The following SUGCT variants were observed in gnomAD, a reference collection of about 807,000 sequenced individuals.
The protein encoded by SUGCT is succinyl-CoA:glutarate CoA-transferase.
In SUGCT, 41 loss-of-function variants were observed where a neutral mutation model predicts 55.0. That is an observed-to-expected ratio of 0.74 (90% CI 0.58 to 0.97). The LOEUF (loss-of-function observed/expected upper bound fraction) is 0.97, where lower values mean the gene tolerates loss of function less well. Ranked by LOEUF, SUGCT falls within the 50% of genes least tolerant of loss-of-function variation. SUGCT has a pLI of 0.00. For synonymous variants in SUGCT, 187 were observed against 200.4 expected (o/e 0.93, Z 0.56); for missense variants, 568 against 547.8 (o/e 1.04, Z -0.37).
At chr7:40,882,802 T>C in the SUGCT span, among the ~76,000 whole-genome samples, 2 of 152,246 alleles carry the variant, frequency 1.3e-5, no homozygotes, top group African/African-American at 4.8e-5. Context: ...TCAGAATTGG[T>C]GTTTTATCAG....
chr7:40,283,227 C>G (rs1250331229), intron 8 of SUGCT, among the ~76,000 whole-genome samples: 3 of 151,314 alleles, frequency 2.0e-5, no homozygotes, highest in Non-Finnish European at 2.9e-5. Flanking sequence ...ACATTTCTTT[C>G]TTTTTCTTTT....
At chr7:40,961,843 C>T in the SUGCT span, among the ~76,000 whole-genome samples, 1 of 152,146 alleles carries the variant, frequency 6.6e-6, no homozygotes, top group African/African-American at 2.4e-5. Context: ...TTTGTTCCTC[C>T]CGGTGGGTTC....
intron 12 of SUGCT, among the ~76,000 whole-genome samples, chr7:40,532,331 C>A (rs1794143294): frequency 6.6e-6 from 1 of 152,148 alleles, no homozygotes; most frequent in African/African-American, 2.4e-5. Context: ...AGAAAATAGT[C>A]ATTCTTTTAA....
chr7:40,329,427 T>C (rs1238547901), intron 9 of SUGCT, among the ~76,000 whole-genome samples: 1 of 152,170 alleles, frequency 6.6e-6, no homozygotes, highest in African/African-American at 2.4e-5. Flanking sequence ...CAGGAAATGG[T>C]ACGTGTGCAT....
chr7:40,914,448 G>A, the SUGCT span, among the ~76,000 whole-genome samples: 1 of 151,910 alleles, frequency 6.6e-6, no homozygotes, highest in Non-Finnish European at 1.5e-5. Context: ...TACAAAGCCA[G>A]GTCTTCTCCT....
At chr7:40,318,805 A>C (rs755506109) in intron 9 of SUGCT, among the ~76,000 whole-genome samples, 3 of 152,232 alleles carry the variant, frequency 2.0e-5, no homozygotes, top group Non-Finnish European at 4.4e-5. Context: ...TGTAATTCCA[A>C]ATCCCATCAC....
At chr7:40,975,308 T>C in the SUGCT span, among the ~76,000 whole-genome samples, 2 of 152,176 alleles carry the variant, frequency 1.3e-5, no homozygotes, top group Non-Finnish European at 2.9e-5. Context: ...AGAGTGTTCC[T>C]TCAGATCTCT....
At chr7:40,602,200 AAACC>A (rs948378798) in intron 12 of SUGCT, among the ~76,000 whole-genome samples, 5 of 152,206 alleles carry the variant, frequency 3.3e-5, no homozygotes, top group African/African-American at 1.2e-4. Context: ...GCCATGGGAA[AAACC>A]AACCAACCAA....
chr7:40,903,731 A>T, the SUGCT span, among the ~76,000 whole-genome samples: 1 of 152,198 alleles, frequency 6.6e-6, no homozygotes, highest in South Asian at 2.1e-4. Context: ...ACCTGTTTGC[A>T]GCAGGAAACT....
At chr7:40,755,469 G>T (rs1314544439) in intron 13 of SUGCT, among the ~76,000 whole-genome samples, 1 of 152,230 alleles carries the variant, frequency 6.6e-6, no homozygotes, top group South Asian at 2.1e-4. Context: ...TGTGACTTTA[G>T]TGGGAAGATC....
chr7:40,392,249 GT>G (rs758924208), intron 9 of SUGCT, among the ~76,000 whole-genome samples: 31 of 152,066 alleles, frequency 2.0e-4, no homozygotes, highest in Non-Finnish European at 4.1e-4. Flanking sequence ...AAACCTGCAC[GT>G]TGTGCACACG....
chr7:40,337,426 G>T (rs1032489006), intron 9 of SUGCT, among the ~76,000 whole-genome samples: 1 of 152,228 alleles, frequency 6.6e-6, no homozygotes, highest in African/African-American at 2.4e-5. Flanking sequence ...ATGAATCTGG[G>T]TTCTCCTGTA....
At chr7:40,156,478 T>A (rs1783904062) in intron 1 of SUGCT, among the ~76,000 whole-genome samples, 1 of 151,704 alleles carries the variant, frequency 6.6e-6, no homozygotes. Context: ...AATAGAAGAT[T>A]TTTAGTGCCT....
the SUGCT span, among the ~76,000 whole-genome samples, chr7:40,894,718 A>G: frequency 2.0e-5 from 3 of 152,228 alleles, no homozygotes; most frequent in Non-Finnish European, 4.4e-5. Flanking sequence ...AATACTCAGC[A>G]TCACTATTCA....
chr7:40,731,809 A>C (rs930045645), intron 12 of SUGCT, among the ~76,000 whole-genome samples: 1 of 152,226 alleles, frequency 6.6e-6, no homozygotes, highest in African/African-American at 2.4e-5. Context: ...AAATAGCTGC[A>C]ATAGAATACC....
At chr7:41,008,300 C>A in the SUGCT span, among the ~76,000 whole-genome samples, 4,025 of 152,276 alleles carry the variant, frequency 0.026, 183 homozygotes, top group South Asian at 0.19. Flanking sequence ...CGCTCCTGAA[C>A]GCAGCCTTGT....
At chr7:40,832,770 G>A (rs557125974) in intron 13 of SUGCT, among the ~76,000 whole-genome samples, 1 of 151,482 alleles carries the variant, frequency 6.6e-6, no homozygotes, top group South Asian at 2.1e-4. Flanking sequence ...CGCCTCCCAG[G>A]TTCACGCCAT....
the SUGCT span, among the ~76,000 whole-genome samples, chr7:40,968,444 T>C: frequency 5.9e-5 from 9 of 152,272 alleles, no homozygotes; most frequent in African/African-American, 2.2e-4. Context: ...CCATGACCAG[T>C]TGAGGATGCT....
At chr7:40,294,869 G>A (rs1794019798) in intron 8 of SUGCT, among the ~76,000 whole-genome samples, 1 of 152,008 alleles carries the variant, frequency 6.6e-6, no homozygotes, top group Non-Finnish European at 1.5e-5. Context: ...TATTAATCTC[G>A]GCACTTTGAA....
Sources: allele counts gnomAD v4.1 joint callset (sites outside exome capture counted in the v4.1 genomes callset), GRCh38; gene constraint gnomAD v4.1.1; transcripts MANE v1.5; gene names NCBI Gene and HGNC (gene_info 2026-07-23, HGNC 2026-07-21).